The following CALCOCO1 variants were observed in gnomAD, a reference collection of about 807,000 sequenced individuals.
CALCOCO1 encodes calcium binding and coiled-coil domain 1.
In CALCOCO1, 44 loss-of-function variants were observed where a neutral mutation model predicts 86.3. That is an observed-to-expected ratio of 0.51 (90% confidence interval 0.40 to 0.66). The LOEUF is 0.66. Among genes scored for constraint, CALCOCO1 ranks in the 30% least tolerant of loss-of-function variants. The pLI is 0.00. For missense variants in CALCOCO1, 708 were observed against 851.1 expected (o/e 0.83, Z 2.09); for synonymous variants, 297 against 327.6 (o/e 0.91, Z 1.01).
At chr12:53,715,375 G>C (rs1945697197) in intron 9 of CALCOCO1, 50 bp from the exon 10 acceptor site, 3 of 1,610,564 alleles carry the variant, frequency 1.9e-6, no homozygotes, top group African/African-American at 1.3e-5. Context: ...GGAAGAAAAA[G>C]GAACGCCACT....
Position 53,719,658 on chromosome 12 carries a change from TC to T in CALCOCO1, c.849+80del, listed in dbSNP as rs1945816627. On this transcript the variant is annotated intron_variant, in intron 7 of 14. Transcript: ENST00000550804. ...CACAATGTCTTCTTTACATTTTTAT[TC>T]CCTTTGGTGTCTGGCTCTCGAGAGG... The T allele has an allele frequency of 3.3e-6, 3 of 909,672 alleles. No homozygotes were observed. In the African/African-American group the frequency reaches 5.0e-5, roughly 15 times the overall value. The allele number at this position is 909,672 out of a possible 1,614,324, so 56.4% of individuals were successfully genotyped here.
In CALCOCO1 at chr12:53,718,840, CTTTTTTTTT is replaced by C. The variant is rs35114054; in HGVS notation, c.849+890_849+898del. ...CTACCACGCCCAGCCATGGCCCTCC[CTTTTTTTTT>C]TTTTTTTTTTTTTTTTGGCACAGAG... On this transcript the variant is annotated intron_variant, in intron 7 of 14. Transcript: ENST00000550804. Among the ~76,000 whole-genome samples, 37 of 75,650 alleles carry C rather than the reference CTTTTTTTTT, an allele frequency of 4.9e-4. 1 individual carries two copies. The highest frequency in any genetic ancestry group is 2.0e-3 in the African/African-American group (36 of 17,924). The allele number at this position is 75,650 out of a possible 152,430, so 49.6% of individuals were successfully genotyped here.
Position 53,723,699 on chromosome 12 carries a change from G to C in CALCOCO1, c.344C>G (p.Pro115Arg), listed in dbSNP as rs764507425. The C allele has an allele frequency of 6.2e-6, 10 of 1,614,102 alleles. No individual in the cohort carries two copies. The Admixed American group carries it at 6.7e-5, about 11-fold the overall frequency. The change falls in exon 4 of 15, where the codon CCT (proline) becomes CGT (arginine). Residue 115 changes from proline (P) to arginine (R), a missense_variant. Pro to Arg is a moderately radical substitution (Grantham distance 103). Transcript: ENST00000550804. ...GGGCCTTGGCTCTCGGAACTGGAAA[G>C]GGGGGCTCTGCCCACACACCTGGCC... ...RQGQVCGQSP[P>R]FQFREPRPMD... is the part of the protein sequence containing the mutation.
Position 53,716,201 on chromosome 12 carries a change from C to G in CALCOCO1, c.1005+59G>C. The G allele has an allele frequency of 2.5e-6, 4 of 1,603,208 alleles. No individual in the cohort carries two copies. The South Asian group carries it at 4.5e-5, about 18-fold the overall frequency. On this transcript the variant is annotated intron_variant, in intron 8 of 14. Coordinates refer to ENST00000550804, the MANE Select transcript of CALCOCO1 (RefSeq NM_020898.3). Reference sequence around the variant, plus strand: ...CTCCCCTTCTCTTTAGACACGCAGGCTTCTCTACAACTTGCCCTTGGAATT... The same window carrying G: ...CTCCCCTTCTCTTTAGACACGCAGGGTTCTCTACAACTTGCCCTTGGAATT...
At chr12:53,723,524 G>A (rs755830903) in intron 4 of CALCOCO1, 69 bp downstream of exon 4, 49 of 1,536,254 alleles carry the variant, frequency 3.2e-5, no homozygotes, top group Non-Finnish European at 4.3e-5. Context: ...GGGTAAGGTG[G>A]GAAGGGTCCT....
chr12:53,711,889 T>C lies in CALCOCO1; in HGVS notation c.*55A>G. ...GGCATGAAACCTAAGTGTATGCATG[T>C]GTGTGAGTGTGTGTGTGCATGAGTG... On this transcript the variant is annotated 3_prime_UTR_variant, in exon 15 of 15. Transcript: ENST00000550804. The C allele has an allele frequency of 7.1e-7, 1 of 1,417,134 alleles. No homozygotes were observed. 87.8% of individuals were successfully genotyped at this position (1,417,134 alleles called of 1,614,324 possible).
chr12:53,711,091 T>A lies in CALCOCO1; in HGVS notation c.*853A>T, dbSNP rs967639196. ...CCTGTGTTCCAGTCACACCTCATGA[T>A]AAGAACACATTTTGTGACAACAGTC... On this transcript the variant is annotated 3_prime_UTR_variant, in exon 15 of 15. Transcript: ENST00000550804. 2.6e-6 allele frequency: 1 copy of A among 388,330 alleles called. No individual in the cohort carries two copies. Among genetic ancestry groups the A allele is most frequent in the African/African-American group, 2.1e-5 (1 of 48,058 alleles). 24.1% of individuals were successfully genotyped at this position (388,330 alleles called of 1,614,324 possible).
chr12:53,727,029 C>A (rs1236729059), intron 1 of CALCOCO1, among the ~76,000 whole-genome samples: 4 of 152,156 alleles, frequency 2.6e-5, no homozygotes, highest in Admixed American at 2.6e-4. Flanking sequence ...GAAGGTCCCC[C>A]TTCCTCCCCA....
At chr12:53,715,157 C>G in intron 10 of CALCOCO1, 43 bp downstream of exon 10, 1 of 1,606,352 alleles carries the variant, frequency 6.2e-7, no homozygotes, top group Non-Finnish European at 8.5e-7. Context: ...ATGGATGCCT[C>G]AGGAGGCCAT....
chr12:53,712,451 C>T (rs1413779787), intron 14 of CALCOCO1: 5 of 269,098 alleles, frequency 1.9e-5, no homozygotes, highest in South Asian at 5.5e-5. Context: ...CTGCTCCAGC[C>T]GAGAAGGATG....
rs1945616992 is a variant in CALCOCO1, at chr12:53,713,108, G to T, written c.1890C>A (p.Asp630Glu). 5 of 1,613,842 alleles carry T rather than the reference G, an allele frequency of 3.1e-6. No homozygotes were observed. Among genetic ancestry groups the T allele is most frequent in the Non-Finnish European group, 4.2e-6 (5 of 1,179,748 alleles). The change falls in exon 14 of 15, where the codon GAC becomes GAA. Residue 630 changes from aspartate (D) to glutamate (E), a missense_variant. By Grantham distance (45) the Asp-to-Glu change is conservative. Coordinates refer to ENST00000550804, the MANE Select transcript of CALCOCO1 (RefSeq NM_020898.3). ...LLPELGSAFY[D>E]MASGFTVGTL... ...TTGCTGGTTGAACTCACCTGGCCAT[G>T]TCATAGAAGGCACTGCCCAGTTCAG...
At position 53,715,802 on chromosome 12, in the gene CALCOCO1, C is replaced by T; in HGVS notation, c.1251G>A (p.Gln417=). 6.2e-7 allele frequency: 1 copy of T among 1,613,200 alleles called. No individual in the cohort carries two copies. Among genetic ancestry groups the T allele is most frequent in the Non-Finnish European group, 8.5e-7 (1 of 1,180,032 alleles). ...QWSKERAGLL[Q]SVEAEKDKIL... ...CCCCCCATCCCTCTACCTCCACACT[C>T]TGCAGCAGCCCTGCCCGCTCCTTGC... Residue 417 remains glutamine (Q), a synonymous_variant, in exon 9 of 15, where the codon CAG becomes CAA. Coordinates refer to ENST00000550804, the MANE Select transcript of CALCOCO1 (RefSeq NM_020898.3).
In CALCOCO1 at chr12:53,716,040, A is replaced by G; in HGVS notation, c.1013T>C (p.Leu338Pro). ...TCGAAGCTGCTCCTTCAAGGGCTCC[A>G]GCTCGGCCTCAGGAGAAAGGAGGAG... is the stretch of plus-strand genomic sequence containing the variant. The part of the protein sequence containing the change: ...LGQAQQRVAE[L>P]EPLKEQLRGA... The change falls in exon 9 of 15, where the codon CTG becomes CCG. Residue 338 changes from leucine to proline, a missense_variant. By Grantham distance (98) the Leu-to-Pro change is moderately conservative. Transcript: ENST00000550804. 6.2e-7 allele frequency: 1 copy of G among 1,612,364 alleles called. No homozygotes were observed. Among genetic ancestry groups the G allele is most frequent in the South Asian group, 1.1e-5 (1 of 91,072 alleles).
rs1196403093 is a variant in CALCOCO1, at chr12:53,713,706, C to A, written c.1786G>T (p.Asp596Tyr). The change falls in exon 13 of 15, where the codon GAC becomes TAC. Residue 596 changes from aspartate (D) to tyrosine (Y), a missense_variant. Asp to Tyr is a radical substitution (Grantham distance 160). Coordinates refer to ENST00000550804, the MANE Select transcript of CALCOCO1 (RefSeq NM_020898.3). Reference protein sequence around the residue: ...LSGPAEDSSSDSEAEDEKSVL... With the variant: ...LSGPAEDSSSYSEAEDEKSVL... ...CAGGCTCCTCCACTGCTCACCGAGTCAGAGCTACTGTCCTCAGCTGGCCCA... is the reference window on the plus strand; with the variant it reads ...CAGGCTCCTCCACTGCTCACCGAGTAAGAGCTACTGTCCTCAGCTGGCCCA... 6.5e-7 allele frequency: 1 copy of A among 1,540,290 alleles called. No individual in the cohort carries two copies.
rs749318044 is a variant in CALCOCO1, at chr12:53,713,807, G to T, written c.1685C>A (p.Ser562Tyr). ...AGCCTCTCGAGGCCCAGCAGGAGAG[G>T]AGCCTGGGTCTCCACGCTCACAAAG... The part of the protein sequence containing the change: ...YGLCERGDPG[S>Y]SPAGPREASP... The change falls in exon 13 of 15, where the codon TCC becomes TAC. Residue 562 changes from serine (S) to tyrosine (Y), a missense_variant. Ser to Tyr is a moderately radical substitution (Grantham distance 144). Transcript: ENST00000550804. The T allele has an allele frequency of 1.0e-5, 16 of 1,585,988 alleles. No individual in the cohort carries two copies. The highest frequency in any genetic ancestry group is 1.2e-5 in the Non-Finnish European group (14 of 1,168,058).
At chr12:53,719,164 G>A (rs1247638908) in intron 7 of CALCOCO1, among the ~76,000 whole-genome samples, 4 of 150,850 alleles carry the variant, frequency 2.7e-5, no homozygotes, top group African/African-American at 4.9e-5. Context: ...ATTTTAAAAA[G>A]ACTTTTCTAA....
At position 53,711,545 on chromosome 12, in the gene CALCOCO1, G is replaced by A. The variant is rs1367600116; in HGVS notation, c.*399C>T. ...GGAAACTCCAAATAAGAGAGGGTAG[G>A]GTGCCCCAGGAATTGGCTTTGGGGC... On this transcript the variant is annotated 3_prime_UTR_variant, in exon 15 of 15. Transcript: ENST00000550804. 3.3e-6 allele frequency: 1 copy of A among 301,902 alleles called. No individual in the cohort carries two copies. Among genetic ancestry groups the A allele is most frequent in the Admixed American group, 5.1e-5 (1 of 19,614 alleles). The allele number at this position is 301,902 out of a possible 1,614,324, so 18.7% of individuals were successfully genotyped here.
chr12:53,710,439 G>T lies in CALCOCO1; in HGVS notation c.*1505C>A, dbSNP rs78004590. 1 of 152,714 alleles carries T rather than the reference G, an allele frequency of 6.5e-6. No individual in the cohort carries two copies. The highest frequency in any genetic ancestry group is 2.4e-5 in the African/African-American group (1 of 41,434). 9.5% of individuals were successfully genotyped at this position (152,714 alleles called of 1,614,324 possible). A position where few individuals can be genotyped will look rare whatever the true frequency, so the allele number is the denominator to read the frequency against. On this transcript the variant is annotated 3_prime_UTR_variant, in exon 15 of 15. Transcript: ENST00000550804. ...GAAGGGAGCTATTGGGTTGGAGGAC[G>T]AGGGGGTTGTAGGCATGTGCTTGTG...
Position 53,708,756 on chromosome 12 carries a change from TA to T in CALCOCO1, c.*3187del, listed in dbSNP as rs1201793389. 1 of 152,200 alleles carries T rather than the reference TA, an allele frequency of 6.6e-6. No homozygotes were observed. Among genetic ancestry groups the T allele is most frequent in the Admixed American group, 6.5e-5 (1 of 15,276 alleles). The allele number at this position is 152,200 out of a possible 1,614,324, so 9.4% of individuals were successfully genotyped here. A position where few individuals can be genotyped will look rare whatever the true frequency, so the allele number is the denominator to read the frequency against. On this transcript the variant is annotated 3_prime_UTR_variant, in exon 15 of 15. Transcript: ENST00000550804. ...ACAGTTTAGGGAGAATAAAAAGTTG[TA>T]AACACATGTAGCATCTTTTTATAAA...
Sources: allele counts gnomAD v4.1 joint callset (sites outside exome capture counted in the v4.1 genomes callset), GRCh38; gene constraint gnomAD v4.1.1; transcripts MANE v1.5; gene names NCBI Gene and HGNC (gene_info 2026-07-23, HGNC 2026-07-21).